ACYP2: variants seen among roughly 807,000 people sequenced by gnomAD.
ACYP2 encodes acylphosphatase 2, also known as acylphosphatase-2.
In ACYP2, 12 loss-of-function variants were observed where a neutral mutation model predicts 11.2. That is an observed-to-expected ratio of 1.08 (90% CI 0.69 to 1.74). ACYP2 has a LOEUF of 1.74. Ranked by LOEUF, ACYP2 falls within the 40% of genes most tolerant of loss-of-function variation. ACYP2 has a pLI of 0.00. For synonymous variants in ACYP2, 43 were observed against 32.2 expected, an observed-to-expected ratio of 1.33 and a Z score of -1.13; for missense variants, 134 against 101.9, an observed-to-expected ratio of 1.31 and a Z score of -1.35.
chr2:54,022,158 T>A (rs1333748565), intron 2 of ACYP2, among the ~76,000 whole-genome samples: 2 of 152,174 alleles, frequency 1.3e-5, no homozygotes, highest in Non-Finnish European at 2.9e-5. Context: ...TTTGCTTTTT[T>A]CCCTCTCTCC....
rs148411653 is a variant in ACYP2, at chr2:54,072,513, T to TTTTTTCTTCTTTCTTTCC, written c.277+15154_277+15155insTTTTCTTCTTTCTTTCCT. ...TTTCTTTCTTTCTCTCTCTCTCTCT[T>TTTTTTCTTCTTTCTTTCC]TCTTTCTTCTTTCTTTCTTTCCTTC... On this transcript the variant is annotated intron_variant, in intron 4 of 6. Transcript: ENST00000607452. Among the ~76,000 whole-genome samples, 31 of 146,152 alleles carry TTTTTTCTTCTTTCTTTCC rather than the reference T, an allele frequency of 2.1e-4. No individual in the cohort carries two copies. The East Asian group carries it at 5.3e-3, about 25-fold the overall frequency.
At chr2:54,193,934 T>G (rs1441608175) in intron 6 of ACYP2, among the ~76,000 whole-genome samples, 1 of 152,232 alleles carries the variant, frequency 6.6e-6, no homozygotes, top group Non-Finnish European at 1.5e-5. Flanking sequence ...AATATTCTGT[T>G]CATGTGATTT....
chr2:54,261,831 G>A (rs142173339), intron 6 of ACYP2, among the ~76,000 whole-genome samples: 45 of 152,290 alleles, frequency 3.0e-4, no homozygotes, highest in African/African-American at 1.1e-3. Flanking sequence ...TGTACACTTT[G>A]CTAATTTCTT....
intron 2 of ACYP2, among the ~76,000 whole-genome samples, chr2:54,031,613 T>A (rs1223281597): frequency 6.6e-6 from 1 of 152,198 alleles, no homozygotes; most frequent in East Asian, 1.9e-4. Context: ...TATAGCAGCA[T>A]GATTTATAGT....
intron 4 of ACYP2, among the ~76,000 whole-genome samples, chr2:54,073,007 T>C (rs1045511532): frequency 6.6e-6 from 1 of 152,182 alleles, no homozygotes; most frequent in African/African-American, 2.4e-5. Context: ...GGTACATTAA[T>C]CAAGTGAGTG....
rs376765429 is a variant in ACYP2 at position 54,186,643 on chromosome 2, A to T, written c.404+47895A>T. Among the ~76,000 whole-genome samples, 128 of 151,990 alleles carry T rather than the reference A, an allele frequency of 8.4e-4. 1 individual carries two copies. Among genetic ancestry groups the T allele is most frequent in the African/African-American group, 3.0e-3 (123 of 41,426 alleles). On this transcript the variant is annotated intron_variant, in intron 6 of 6. Coordinates refer to ENST00000607452, the MANE Select transcript of ACYP2 (RefSeq NM_001320586.2). Reference sequence around the variant, plus strand: ...ATTCTTCTGCCTCAGCCTCCCGAGTAGCTGGGATTACAGGTGCCCGTCACC... The same window carrying T: ...ATTCTTCTGCCTCAGCCTCCCGAGTTGCTGGGATTACAGGTGCCCGTCACC...
intron 4 of ACYP2, among the ~76,000 whole-genome samples, chr2:54,093,942 A>AAAACAAACAAAC (rs145012157): frequency 1.3e-5 from 2 of 150,980 alleles, no homozygotes; most frequent in South Asian, 2.1e-4. Flanking sequence ...TCTGTCTCAA[A>AAAACAAACAAAC]AAACAAACAA....
In ACYP2 at chr2:54,118,804, A is replaced by T. The variant is rs533702383; in HGVS notation, c.278-16649A>T. On this transcript the variant is annotated intron_variant, in intron 4 of 6. Coordinates refer to ENST00000607452, the MANE Select transcript of ACYP2 (RefSeq NM_001320586.2). Reference sequence around the variant, plus strand: ...GGAAGAGAGTACATGCCCACTATTGATCAAGGCATAGTATGTAGTACAAAC... The same window carrying T: ...GGAAGAGAGTACATGCCCACTATTGTTCAAGGCATAGTATGTAGTACAAAC... Among the ~76,000 whole-genome samples the T allele has an allele frequency of 5.3e-5, 8 of 152,348 alleles. No individual in the cohort carries two copies. In the East Asian group the frequency reaches 1.5e-3, roughly 29 times the overall value.
Position 54,244,499 on chromosome 2 carries a change from T to A in ACYP2, c.405-60189T>A, listed in dbSNP as rs191941359. Among the ~76,000 whole-genome samples, 87 of 152,304 alleles carry A rather than the reference T, an allele frequency of 5.7e-4. No homozygotes were observed. In the Middle Eastern group the frequency reaches 0.02, roughly 36 times the overall value. On this transcript the variant is annotated intron_variant, in intron 6 of 6. Coordinates refer to ENST00000607452, the MANE Select transcript of ACYP2 (RefSeq NM_001320586.2). ...TTACAGCACTCCCAAAGTGCTGGGATTACAGTGGCATGAGCCACTGTGCCT... is the reference window on the plus strand; with the variant it reads ...TTACAGCACTCCCAAAGTGCTGGGAATACAGTGGCATGAGCCACTGTGCCT...
intron 4 of ACYP2, among the ~76,000 whole-genome samples, chr2:54,110,076 C>T (rs1354540425): frequency 1.3e-5 from 2 of 152,134 alleles, no homozygotes. Context: ...ACTAGTCAGG[C>T]ATTTCGTAGA....
chr2:54,153,640 C>T (rs953184322), intron 6 of ACYP2, among the ~76,000 whole-genome samples: 2 of 149,306 alleles, frequency 1.3e-5, no homozygotes, highest in South Asian at 2.1e-4. Flanking sequence ...CGCTCTGTCA[C>T]CCAGGCTGGA....
At chr2:54,010,257 G>T (rs1262758444) in intron 2 of ACYP2, among the ~76,000 whole-genome samples, 2 of 152,184 alleles carry the variant, frequency 1.3e-5, no homozygotes, top group African/African-American at 4.8e-5. Flanking sequence ...GCCAAGGCAG[G>T]TGGATCACCT....
intron 4 of ACYP2, among the ~76,000 whole-genome samples, chr2:54,120,480 ATTG>A (rs1680083629): frequency 6.6e-6 from 1 of 152,216 alleles, no homozygotes; most frequent in Admixed American, 6.5e-5. Flanking sequence ...CTAGAAATGC[ATTG>A]TGACTATCTG....
intron 2 of ACYP2, among the ~76,000 whole-genome samples, chr2:53,994,512 C>CA (rs759787287): frequency 0.12 from 3,767 of 30,300 alleles, 311 homozygotes; most frequent in Middle Eastern, 0.21. Flanking sequence ...GAGTAAGACT[C>CA]AGAAAAAAAA....
chr2:53,993,633 G>A (rs2104520953), intron 2 of ACYP2, among the ~76,000 whole-genome samples: 1 of 151,808 alleles, frequency 6.6e-6, no homozygotes, highest in African/African-American at 2.4e-5. Context: ...GGAGGCAGAG[G>A]ATGCAGTAAG....
chr2:54,085,690 C>A (rs757871661), intron 4 of ACYP2, among the ~76,000 whole-genome samples: 1 of 152,026 alleles, frequency 6.6e-6, no homozygotes, highest in Non-Finnish European at 1.5e-5. Flanking sequence ...TAAGTGAGGA[C>A]TTACTGTGTA....
chr2:54,160,696 T>C (rs752711849), intron 6 of ACYP2, among the ~76,000 whole-genome samples: 2 of 152,214 alleles, frequency 1.3e-5, no homozygotes, highest in Non-Finnish European at 2.9e-5. Context: ...GACTGGAACA[T>C]AGGCAGATGA....
At chr2:54,259,136 A>C (rs1478320457) in intron 6 of ACYP2, among the ~76,000 whole-genome samples, 1 of 152,224 alleles carries the variant, frequency 6.6e-6, no homozygotes, top group African/African-American at 2.4e-5. Context: ...GACATGAGCA[A>C]CTGGTAGGAT....
intron 4 of ACYP2, among the ~76,000 whole-genome samples, chr2:54,134,483 T>G (rs1302964382): frequency 6.6e-6 from 1 of 152,202 alleles, no homozygotes; most frequent in Non-Finnish European, 1.5e-5. Context: ...ATCTTAAAAG[T>G]TGAGGACAGC....
Sources: gnomAD v4.1 joint callset for allele counts (sites outside exome capture counted in the v4.1 genomes callset) on GRCh38, gnomAD v4.1.1 for gene constraint, MANE v1.5 for transcripts, NCBI Gene and HGNC (gene_info 2026-07-23, HGNC 2026-07-21) for gene names.